ATP10D: variants seen among roughly 807,000 people sequenced by gnomAD.
ATP10D encodes ATPase phospholipid transporting 10D (putative), also known as phospholipid-transporting ATPase VD.
A neutral mutation model predicts 144.8 loss-of-function variants in ATP10D; 89 were observed. That is an observed-to-expected ratio of 0.61 (90% CI 0.52 to 0.73). The LOEUF is 0.73. ATP10D is among the 30% of genes least tolerant of loss of function. The pLI is 0.00. For missense variants in ATP10D, 1,603 were observed against 1,714.8 expected (o/e 0.93, Z 1.15); for synonymous variants, 571 against 615.1 (o/e 0.93, Z 1.06).
chr4:47,546,408 A>G (rs1718433101), intron 9 of ATP10D, among the ~76,000 whole-genome samples: 1 of 152,124 alleles, frequency 6.6e-6, no homozygotes, highest in Non-Finnish European at 1.5e-5. Context: ...AAGTAGGTAG[A>G]TTTGACGATG....
intron 1 of ATP10D, among the ~76,000 whole-genome samples, chr4:47,493,110 T>G (rs1388691977): frequency 6.6e-6 from 1 of 152,216 alleles, no homozygotes; most frequent in Non-Finnish European, 1.5e-5. Flanking sequence ...GTTATTTTCC[T>G]TTGCTTTTTA....
chr4:47,556,696 A>G (rs933735414), intron 11 of ATP10D: 1 of 152,192 alleles, frequency 6.6e-6, no homozygotes, highest in African/African-American at 2.4e-5. Context: ...TTGAAAATCA[A>G]CCAGCATAAG....
Position 47,568,970 on chromosome 4 carries a change from G to C in ATP10D, c.2987G>C (p.Gly996Ala), listed in dbSNP as rs757625655. 56 of 1,614,030 alleles carry C rather than the reference G, an allele frequency of 3.5e-5. No homozygotes were observed. The highest frequency in any genetic ancestry group is 4.7e-5 in the Non-Finnish European group (56 of 1,180,042). Residue 996 changes from glycine (G) to alanine (A), a missense_variant, in exon 16 of 23, where the codon GGA becomes GCA. By Grantham distance (60) the Gly-to-Ala change is moderately conservative (BLOSUM62 0). Coordinates refer to ENST00000273859, the MANE Select transcript of ATP10D (RefSeq NM_020453.4). Reference protein sequence around the residue: ...PVPRDSGLRAGLIITGKTLEF... With the variant: ...PVPRDSGLRAALIITGKTLEF... Reference sequence around the variant, plus strand: ...CCCCGGGACTCAGGGTTACGAGCTGGACTCATTATCACTGGGAAGACCCTG... The same window carrying C: ...CCCCGGGACTCAGGGTTACGAGCTGCACTCATTATCACTGGGAAGACCCTG...
At chr4:47,565,635 G>A (rs916967348) in intron 15 of ATP10D, among the ~76,000 whole-genome samples, 2 of 152,010 alleles carry the variant, frequency 1.3e-5, no homozygotes, top group South Asian at 4.2e-4. Flanking sequence ...TGTTTAATGC[G>A]GTGCCTATCA....
chr4:47,528,495 GTGTGTGTGTGTGTGTGTGTATA>G (rs772150006), intron 5 of ATP10D, among the ~76,000 whole-genome samples: 2,144 of 77,370 alleles, frequency 0.028, 49 homozygotes, highest in African/African-American at 0.079. Context: ...GTGTGTGTGT[GTGTGTGTGTGTGTGTGTGTATA>G]TATATATATA....
intron 1 of ATP10D, among the ~76,000 whole-genome samples, chr4:47,487,708 T>G (rs1218950619): frequency 1.3e-5 from 2 of 152,256 alleles, no homozygotes; most frequent in Non-Finnish European, 2.9e-5. Flanking sequence ...TACTTTTTTA[T>G]CGCTTTGCAG....
At chr4:47,503,659 G>A (rs1419393981) in intron 1 of ATP10D, among the ~76,000 whole-genome samples, 1 of 152,198 alleles carries the variant, frequency 6.6e-6, no homozygotes, top group Non-Finnish European at 1.5e-5. Context: ...TGCTTTGGGA[G>A]GCCAAGGTGG....
At chr4:47,503,292 C>T (rs1238374594) in intron 1 of ATP10D, among the ~76,000 whole-genome samples, 1 of 152,190 alleles carries the variant, frequency 6.6e-6, no homozygotes, top group East Asian at 1.9e-4. Flanking sequence ...GAGGCTGCTT[C>T]TGTGATGTAG....
At chr4:47,588,618 A>C (rs1450704841) in intron 22 of ATP10D, among the ~76,000 whole-genome samples, 4 of 152,168 alleles carry the variant, frequency 2.6e-5, no homozygotes, top group African/African-American at 9.7e-5. Context: ...ATCATACGGC[A>C]CAGTGGACAC....
In ATP10D at chr4:47,515,641, C is replaced by T; in HGVS notation, c.456C>T (p.Ile152=). 1 of 1,609,456 alleles carries T rather than the reference C, an allele frequency of 6.2e-7. No homozygotes were observed. The highest frequency in any genetic ancestry group is 8.5e-7 in the Non-Finnish European group (1 of 1,175,950). Residue 152 remains isoleucine, a synonymous_variant, in exon 3 of 23, where the codon ATC becomes ATT. Transcript: ENST00000273859. ...GGAAATACAAAATTGACAAACAGAT[C>T]AATAATTTAATAACTAAAGTTTATA... The part of the protein sequence containing the change: ...DYRKYKIDKQ[I]NNLITKVYSR...
At chr4:47,496,899 T>G (rs1045595788) in intron 1 of ATP10D, among the ~76,000 whole-genome samples, 6 of 152,250 alleles carry the variant, frequency 3.9e-5, no homozygotes, top group Admixed American at 3.9e-4. Context: ...TGGAGTGCAG[T>G]GGTGTGATCT....
At chr4:47,580,554 G>C in intron 20 of ATP10D, 76 bp downstream of exon 20, 1 of 1,309,028 alleles carries the variant, frequency 7.6e-7, no homozygotes, top group East Asian at 2.3e-5. Context: ...ACCAATTTCA[G>C]CATAAAGGAG....
chr4:47,518,357 T>C (rs1716787224), intron 3 of ATP10D, among the ~76,000 whole-genome samples: 1 of 152,176 alleles, frequency 6.6e-6, no homozygotes, highest in Non-Finnish European at 1.5e-5. Flanking sequence ...TAAGTTAGAA[T>C]AAGCTATTAT....
intron 1 of ATP10D, among the ~76,000 whole-genome samples, chr4:47,493,081 T>TA (rs1408042044): frequency 1.3e-5 from 2 of 152,198 alleles, no homozygotes; most frequent in Non-Finnish European, 2.9e-5. Flanking sequence ...CTCTTACCAT[T>TA]AATCTTTCTT....
At chr4:47,590,969 T>G in intron 22 of ATP10D, 73 bp from the exon 23 acceptor site, 8 of 1,062,348 alleles carry the variant, frequency 7.5e-6, no homozygotes, top group African/African-American at 2.1e-5. Context: ...TTTAATTCGT[T>G]AGTATTTGGG....
In ATP10D at chr4:47,512,526, T is replaced by TA. The variant is rs777491718; in HGVS notation, c.-14dup. 1.8e-4 allele frequency: 286 copies of TA among 1,599,722 alleles called. No individual in the cohort carries two copies. In the Middle Eastern group the frequency reaches 5.2e-3, roughly 29 times the overall value. On this transcript the variant is annotated 5_prime_UTR_variant, in exon 2 of 23. Coordinates refer to ENST00000273859, the MANE Select transcript of ATP10D (RefSeq NM_020453.4). ...CAGGTCAGCTACACAACCTGGATCT[T>TA]ACCACAGTTTGGATATGACTGAGGC...
At chr4:47,536,063 C>A in intron 7 of ATP10D, 30 bp downstream of exon 7, 1 of 1,586,716 alleles carries the variant, frequency 6.3e-7, no homozygotes, top group South Asian at 1.2e-5. Flanking sequence ...TTGCTGACAT[C>A]TTTTCAGCAA....
chr4:47,535,484 A>C, intron 5 of ATP10D, 25 bp from the exon 6 acceptor site: 1 of 1,572,756 alleles, frequency 6.4e-7, no homozygotes, highest in South Asian at 1.2e-5. Context: ...TTTAAAAGTG[A>C]ATTTATATGC....
chr4:47,491,837 C>T (rs1031025240), intron 1 of ATP10D, among the ~76,000 whole-genome samples: 2 of 152,160 alleles, frequency 1.3e-5, no homozygotes, highest in African/African-American at 4.8e-5. Flanking sequence ...CCTCTGACCT[C>T]GTACCATGCT....
Sources: gnomAD v4.1 joint callset for allele counts (sites outside exome capture counted in the v4.1 genomes callset) on GRCh38, gnomAD v4.1.1 for gene constraint, MANE v1.5 for transcripts, NCBI Gene and HGNC (gene_info 2026-07-23, HGNC 2026-07-21) for gene names.